Variants in RAB8B observed in about 807,000 individuals in gnomAD.
RAB8B encodes RAB8B, member RAS oncogene family.
Under a neutral mutation model 32.0 loss-of-function variants are expected in RAB8B, and 11 were observed. The ratio of observed to expected loss-of-function variants is 0.34; its 90% CI spans 0.22 to 0.57. RAB8B has a LOEUF of 0.57. Among genes scored for constraint, RAB8B ranks in the 20% least tolerant of loss-of-function variants. The pLI is 0.86. For missense variants in RAB8B, 190 were observed against 258.5 expected (o/e 0.73, Z 1.82); for synonymous variants, 103 against 89.6 (o/e 1.15, Z -0.85).
chr15:63,211,294 C>G (rs1205783301), intron 1 of RAB8B, among the ~76,000 whole-genome samples: 1 of 152,172 alleles, frequency 6.6e-6, no homozygotes, highest in African/African-American at 2.4e-5. Context: ...AAATGCTTCA[C>G]AGATGTTCCT....
At chr15:63,223,120 G>GTTT (rs58797377) in intron 1 of RAB8B, 106,297 of 448,922 alleles carry the variant, frequency 0.24, 16,319 homozygotes, top group East Asian at 0.65. Flanking sequence ...CTTATTTTTT[G>GTTT]TTATTTTTTG....
At chr15:63,200,882 G>T (rs1198139818) in intron 1 of RAB8B, among the ~76,000 whole-genome samples, 1 of 152,154 alleles carries the variant, frequency 6.6e-6, no homozygotes, top group African/African-American at 2.4e-5. Flanking sequence ...GACACTGATG[G>T]TTTGGCATAC....
At position 63,265,761 on chromosome 15, in the gene RAB8B, A is replaced by G. The variant is rs2038241345; in HGVS notation, c.*2142A>G. The G allele has an allele frequency of 1.3e-5, 2 of 152,366 alleles. No individual in the cohort carries two copies. Among genetic ancestry groups the G allele is most frequent in the Non-Finnish European group, 1.5e-5 (1 of 67,946 alleles). 9.4% of individuals were successfully genotyped at this position (152,366 alleles called of 1,614,324 possible). ...CTTTTATTACTTTTTTTTTTAACAG[A>G]ATGCTTTGCTTTGGTTATATTTCTT... On this transcript the variant is annotated 3_prime_UTR_variant, in exon 8 of 8. Coordinates refer to ENST00000321437, the MANE Select transcript of RAB8B (RefSeq NM_016530.3). The surrounding 1 kb of genome is among the most constrained non-coding windows in gnomAD (Gnocchi z 4.9).
intron 1 of RAB8B, among the ~76,000 whole-genome samples, chr15:63,235,886 A>T (rs895154360): frequency 6.6e-6 from 1 of 152,030 alleles, no homozygotes; most frequent in Non-Finnish European, 1.5e-5. Flanking sequence ...GGCATTCTCC[A>T]GTTGGTGGAC....
intron 1 of RAB8B, among the ~76,000 whole-genome samples, chr15:63,235,549 C>T (rs1029070544): frequency 6.6e-6 from 1 of 151,124 alleles, no homozygotes. Context: ...TCAAAGTCCC[C>T]TATGAATCCC....
Position 63,264,853 on chromosome 15 carries a change from G to A in RAB8B, c.*1234G>A, listed in dbSNP as rs950293470. Reference sequence around the variant, plus strand: ...TTTTCAAACAGCTGTTGTTGATTGTGTAGAACCCAGTTCCATCTGTTTTGG... The same window carrying A: ...TTTTCAAACAGCTGTTGTTGATTGTATAGAACCCAGTTCCATCTGTTTTGG... On this transcript the variant is annotated 3_prime_UTR_variant, in exon 8 of 8. Transcript: ENST00000321437. 6.6e-6 allele frequency: 1 copy of A among 152,580 alleles called. No homozygotes were observed. Among genetic ancestry groups the A allele is most frequent in the Non-Finnish European group, 1.5e-5 (1 of 68,030 alleles). 9.5% of individuals were successfully genotyped at this position (152,580 alleles called of 1,614,324 possible). A position where few individuals can be genotyped will look rare whatever the true frequency, so the allele number is the denominator to read the frequency against.
At chr15:63,200,743 T>C (rs961974744) in intron 1 of RAB8B, among the ~76,000 whole-genome samples, 7 of 152,140 alleles carry the variant, frequency 4.6e-5, no homozygotes, top group Non-Finnish European at 1.0e-4. Flanking sequence ...TGACAGATGG[T>C]GGGCCTGAGG....
chr15:63,232,143 C>G (rs956008079), intron 1 of RAB8B, among the ~76,000 whole-genome samples: 4 of 152,076 alleles, frequency 2.6e-5, no homozygotes, highest in African/African-American at 9.7e-5. Flanking sequence ...TTTTGTCTTT[C>G]TTGACTTTTG....
intron 1 of RAB8B, among the ~76,000 whole-genome samples, chr15:63,225,234 A>G (rs1013453741): frequency 6.6e-6 from 1 of 152,176 alleles, no homozygotes; most frequent in African/African-American, 2.4e-5. Context: ...TAGTATTACC[A>G]TTCCTTATAA....
intron 1 of RAB8B, among the ~76,000 whole-genome samples, chr15:63,226,484 A>G (rs1567014557): frequency 6.6e-6 from 1 of 152,188 alleles, no homozygotes; most frequent in Non-Finnish European, 1.5e-5. Flanking sequence ...CCTATGCAAA[A>G]TAGATTAAAT....
chr15:63,221,015 TTAGGG>T (rs1567013113), intron 1 of RAB8B, among the ~76,000 whole-genome samples: 1 of 152,088 alleles, frequency 6.6e-6, no homozygotes, highest in Non-Finnish European at 1.5e-5. Flanking sequence ...CTGTAGGAGT[TTAGGG>T]TAGAGAGTGA....
chr15:63,255,599 A>C lies in RAB8B; in HGVS notation c.324+15A>C. The C allele has an allele frequency of 6.4e-7, 1 of 1,567,968 alleles. No homozygotes were observed. Among genetic ancestry groups the C allele is most frequent in the Non-Finnish European group, 8.8e-7 (1 of 1,138,092 alleles). The stretch of plus-strand genomic sequence containing the variant: ...ACATTGAAGAGGTATGTGTGGAAAG[A>C]GAATGGTGACATTGGAGAAGAGTCC... On this transcript the variant is annotated intron_variant, in intron 4 of 7. Transcript: ENST00000321437.
chr15:63,261,765 T>G (rs2038204879), intron 6 of RAB8B, among the ~76,000 whole-genome samples: 1 of 152,222 alleles, frequency 6.6e-6, no homozygotes, highest in Non-Finnish European at 1.5e-5. Flanking sequence ...GAACAGTTTT[T>G]GGGGATCAGG....
Position 63,244,780 on chromosome 15 carries a change from T to C in RAB8B, c.149T>C (p.Ile50Thr). 1 of 1,582,602 alleles carries C rather than the reference T, an allele frequency of 6.3e-7. No homozygotes were observed. ...TIGIDFKIRT[I>T]ELDGKKIKLQ... ...GGAATTGATTTTAAAATTAGAACGATAGAACTAGATGGAAAGAAAATTAAG... is the reference window on the plus strand; with the variant it reads ...GGAATTGATTTTAAAATTAGAACGACAGAACTAGATGGAAAGAAAATTAAG... Residue 50 changes from isoleucine (I) to threonine (T), a missense_variant, in exon 2 of 8, where the codon ATA (isoleucine) becomes ACA (threonine). This residue lies in a region of RAB8B where 80 missense variants were observed against 142.6 expected (regional missense o/e 0.56). Transcript: ENST00000321437.
intron 3 of RAB8B, among the ~76,000 whole-genome samples, chr15:63,250,724 G>T (rs1261760356): frequency 2.6e-5 from 4 of 151,024 alleles, no homozygotes; most frequent in African/African-American, 9.8e-5. Context: ...TTTATCGCTG[G>T]TGTTTAGGCC....
At chr15:63,220,858 TA>T (rs2037838666) in intron 1 of RAB8B, among the ~76,000 whole-genome samples, 1 of 152,224 alleles carries the variant, frequency 6.6e-6, no homozygotes, top group Non-Finnish European at 1.5e-5. Flanking sequence ...ATCTTTCATT[TA>T]TTCCTTTAAA....
chr15:63,198,972 G>T (rs2037625900), intron 1 of RAB8B, among the ~76,000 whole-genome samples: 1 of 152,140 alleles, frequency 6.6e-6, no homozygotes, highest in African/African-American at 2.4e-5. Flanking sequence ...TTATGAATTT[G>T]GATGTGATAG....
intron 1 of RAB8B, among the ~76,000 whole-genome samples, chr15:63,226,880 G>GT (rs768005165): frequency 2.1e-4 from 32 of 152,026 alleles, no homozygotes; most frequent in Non-Finnish European, 3.4e-4. Context: ...CATTTTTATG[G>GT]TTTTTTTTTA....
chr15:63,222,326 C>T (rs937141487), intron 1 of RAB8B, among the ~76,000 whole-genome samples: 20 of 152,178 alleles, frequency 1.3e-4, no homozygotes, highest in African/African-American at 3.9e-4. Context: ...TTTGTCTCTC[C>T]GGCTTAGGGG....
Sources: gnomAD v4.1 joint callset for allele counts (sites outside exome capture counted in the v4.1 genomes callset) on GRCh38, gnomAD v4.1.1 for gene constraint, gnomAD v4.1.1 regional missense constraint, Gnocchi (gnomAD v3.1) non-coding constraint, MANE v1.5 for transcripts, NCBI Gene and HGNC (gene_info 2026-07-23, HGNC 2026-07-21) for gene names.